ABLIM2: variants seen among roughly 807,000 people sequenced by gnomAD.
ABLIM2 encodes the protein actin binding LIM protein family member 2.
Under a neutral mutation model 97.7 loss-of-function variants are expected in ABLIM2, and 53 were observed. The observed-to-expected ratio is 0.54, with a 90% CI of 0.44 to 0.68. ABLIM2 has a LOEUF of 0.68. Ranked by LOEUF, ABLIM2 falls within the 30% of genes least tolerant of loss-of-function variation. The pLI, the probability that ABLIM2 is intolerant of heterozygous loss-of-function variation, is 0.00. For missense variants in ABLIM2, 835 were observed against 867.2 expected (o/e 0.96, Z 0.47); for synonymous variants, 361 against 345.8 (o/e 1.04, Z -0.49).
chr4:8,101,130 C>G (rs1394607659), intron 2 of ABLIM2, among the ~76,000 whole-genome samples: 1 of 152,228 alleles, frequency 6.6e-6, no homozygotes, highest in Non-Finnish European at 1.5e-5. Context: ...CAATTCACAT[C>G]AAAACACAAG....
rs1309885949 is a variant in ABLIM2 at position 8,082,195 on chromosome 4, C to T, written c.455-1393G>A. Among the ~76,000 whole-genome samples, 1 of 152,126 alleles carries T rather than the reference C, an allele frequency of 6.6e-6. No homozygotes were observed. Among genetic ancestry groups the T allele is most frequent in the Non-Finnish European group, 1.5e-5 (1 of 68,024 alleles). ...CAGACCAAGCAGGGACCCCTCGTGC[C>T]CAAGGAAACCTCTACCCAAGATGGA... On this transcript the variant is annotated intron_variant, in intron 4 of 20. Coordinates refer to ENST00000447017, the MANE Select transcript of ABLIM2 (RefSeq NM_001130083.2). The surrounding 1 kb of genome is among the most constrained non-coding windows in gnomAD (Gnocchi z 5.6).
chr4:8,027,747 T>C lies in ABLIM2; in HGVS notation c.1267+12A>G. Reference sequence around the variant, plus strand: ...CATGAGCACCCACAGCCCACATCACTGCGTGCCTTACCTCGGAAGTAGGGG... The same window carrying C: ...CATGAGCACCCACAGCCCACATCACCGCGTGCCTTACCTCGGAAGTAGGGG... On this transcript the variant is annotated intron_variant, in intron 12 of 20. Coordinates refer to ENST00000447017, the MANE Select transcript of ABLIM2 (RefSeq NM_001130083.2). 2.4e-5 allele frequency: 37 copies of C among 1,567,012 alleles called. No individual in the cohort carries two copies. Among genetic ancestry groups the C allele is most frequent in the Non-Finnish European group, 3.1e-5 (36 of 1,156,320 alleles).
At chr4:8,024,828 G>T (rs1325613712) in intron 12 of ABLIM2, among the ~76,000 whole-genome samples, 1 of 152,250 alleles carries the variant, frequency 6.6e-6, no homozygotes, top group Non-Finnish European at 1.5e-5. Context: ...TGTTCCCAAG[G>T]TTACGGACAG....
rs1312786962 is a variant in ABLIM2, at chr4:8,005,791, C to T, written c.1618+2268G>A. On this transcript the variant is annotated intron_variant, in intron 16 of 20. Coordinates refer to ENST00000447017, the MANE Select transcript of ABLIM2 (RefSeq NM_001130083.2). The surrounding 1 kb of genome is among the most constrained non-coding windows in gnomAD (Gnocchi z 4.9). ...TGCTCAGAGGAAGTGGATGTTAGCA[C>T]ACCAGGAGAAAGCGAAGGAAGGACA... Among the ~76,000 whole-genome samples, 1 of 152,248 alleles carries T rather than the reference C, an allele frequency of 6.6e-6. No individual in the cohort carries two copies. The highest frequency in any genetic ancestry group is 1.5e-5 in the Non-Finnish European group (1 of 68,052).
Position 8,080,799 on chromosome 4 carries a change from C to T in ABLIM2, c.458G>A (p.Cys153Tyr), listed in dbSNP as rs1819331375. ...CTTGATTTCTGTGCCGCAGCCCCCA[C>T]AACCTGGAAGAAAGAGAAGAGAACA... ...SAHLSQGLRS[C>Y]GGCGTEIKNG... The change falls in exon 5 of 21, where the codon TGT (cysteine) becomes TAT (tyrosine). Residue 153 changes from cysteine to tyrosine, a missense_variant. Cys to Tyr is a radical substitution (Grantham distance 194). Transcript: ENST00000447017. 1.2e-6 allele frequency: 2 copies of T among 1,606,978 alleles called. No homozygotes were observed. The highest frequency in any genetic ancestry group is 1.7e-6 in the Non-Finnish European group (2 of 1,175,734).
At chr4:8,104,274 C>T (rs373642020) in intron 2 of ABLIM2, among the ~76,000 whole-genome samples, 56 of 152,326 alleles carry the variant, frequency 3.7e-4, no homozygotes, top group African/African-American at 1.3e-3. Context: ...AATCCTTCCC[C>T]GCGTGTGCCG....
At position 8,113,220 on chromosome 4, in the gene ABLIM2, G is replaced by A. The variant is rs979644160; in HGVS notation, c.11-6583C>T. Among the ~76,000 whole-genome samples, 9 of 152,136 alleles carry A rather than the reference G, an allele frequency of 5.9e-5. No individual in the cohort carries two copies. Among genetic ancestry groups the A allele is most frequent in the East Asian group, 1.9e-4 (1 of 5,182 alleles). On this transcript the variant is annotated intron_variant, in intron 1 of 20. Transcript: ENST00000447017. The surrounding 1 kb of genome is among the most constrained non-coding windows in gnomAD (Gnocchi z 4.5). The stretch of plus-strand genomic sequence containing the variant: ...AGCCATCCTCCCACCTCAGCCTCCC[G>A]AGTAGCTGGGACCACAAGTGTGTGC...
chr4:8,045,102 A>C (rs1791438846), intron 9 of ABLIM2, 62 bp downstream of exon 9: 1 of 1,500,860 alleles, frequency 6.7e-7, no homozygotes, highest in Non-Finnish European at 9.3e-7. Context: ...AGCCACGGCC[A>C]CCGGGCCCCC....
intron 6 of ABLIM2, among the ~76,000 whole-genome samples, chr4:8,074,229 G>C (rs553555646): frequency 6.6e-6 from 1 of 152,080 alleles, no homozygotes; most frequent in Non-Finnish European, 1.5e-5. Context: ...TGAGGTGGAA[G>C]GATCACTTGA....
intron 2 of ABLIM2, among the ~76,000 whole-genome samples, chr4:8,101,943 C>T (rs1834855362): frequency 1.3e-5 from 2 of 152,146 alleles, no homozygotes; most frequent in Admixed American, 6.5e-5. Flanking sequence ...CAGAATGAGA[C>T]ACCTTCACAC....
At chr4:7,990,612 C>A (rs1168457431) in intron 17 of ABLIM2, among the ~76,000 whole-genome samples, 2 of 152,088 alleles carry the variant, frequency 1.3e-5, no homozygotes, top group Non-Finnish European at 2.9e-5. Flanking sequence ...CTTGAGGCCA[C>A]CCAGAACCCT....
At chr4:8,025,187 CA>C (rs1776524281) in intron 12 of ABLIM2, among the ~76,000 whole-genome samples, 1 of 152,216 alleles carries the variant, frequency 6.6e-6, no homozygotes, top group Non-Finnish European at 1.5e-5. Flanking sequence ...CTTGGCCTCC[CA>C]AAGTGCTGGG....
At chr4:8,099,777 G>A (rs1476318960) in intron 2 of ABLIM2, among the ~76,000 whole-genome samples, 4 of 152,086 alleles carry the variant, frequency 2.6e-5, no homozygotes, top group African/African-American at 7.2e-5. Flanking sequence ...CCTGGGAGGC[G>A]GAGCTTGCAG....
Position 8,124,592 on chromosome 4 carries a change from T to C in ABLIM2, c.11-17955A>G, listed in dbSNP as rs1170050579. The stretch of plus-strand genomic sequence containing the variant: ...GGTGTGGTGGGCGTCAGTGCCTCTT[T>C]CCTTTTGATGGCTGAGAAATATTCC... On this transcript the variant is annotated intron_variant, in intron 1 of 20. Transcript: ENST00000447017. The surrounding 1 kb of genome is among the most constrained non-coding windows in gnomAD (Gnocchi z 6.1). 2.6e-5 allele frequency among the ~76,000 whole-genome samples: 4 copies of C among 152,172 alleles called. No homozygotes were observed. Among genetic ancestry groups the C allele is most frequent in the African/African-American group, 9.6e-5 (4 of 41,452 alleles).
intron 12 of ABLIM2, chr4:8,020,700 C>A: frequency 4.0e-6 from 1 of 247,042 alleles, no homozygotes; most frequent in South Asian, 5.7e-5. Context: ...TATAAACATG[C>A]TGTTTTCCTT....
chr4:8,032,245 GT>G lies in ABLIM2; in HGVS notation c.1048-2470del, dbSNP rs1781438382. 6.6e-6 allele frequency among the ~76,000 whole-genome samples: 1 copy of G among 151,648 alleles called. No homozygotes were observed. Among genetic ancestry groups the G allele is most frequent in the Non-Finnish European group, 1.5e-5 (1 of 67,960 alleles). On this transcript the variant is annotated intron_variant, in intron 10 of 20. Transcript: ENST00000447017. This position sits in a 1 kb window ranked among gnomAD's most constrained non-coding sequence, Gnocchi z 4.3. ...GACCACTAACAGTAAAAGCTCTTTTGTAGAGAGACACGTCCAGTGTTTCTCC... is the reference window on the plus strand; with the variant it reads ...GACCACTAACAGTAAAAGCTCTTTTGAGAGAGACACGTCCAGTGTTTCTCC...
chr4:8,094,836 C>T (rs919847122), intron 3 of ABLIM2, among the ~76,000 whole-genome samples: 1 of 152,092 alleles, frequency 6.6e-6, no homozygotes, highest in Non-Finnish European at 1.5e-5. Flanking sequence ...CTGATTTTTA[C>T]TATTACTTTT....
intron 6 of ABLIM2, among the ~76,000 whole-genome samples, chr4:8,077,407 C>G (rs534621791): frequency 6.6e-4 from 100 of 152,310 alleles, no homozygotes; most frequent in Non-Finnish European, 1.2e-3. Context: ...TCAAGAGGCA[C>G]AGAAGAGAGC....
chr4:8,085,986 C>T lies in ABLIM2; in HGVS notation c.454+2183G>A, dbSNP rs150198605. Among the ~76,000 whole-genome samples the T allele has an allele frequency of 0.01, 1,574 of 152,286 alleles. 14 individuals carry two copies. Among genetic ancestry groups the T allele is most frequent in the South Asian group, 0.025 (119 of 4,828 alleles). On this transcript the variant is annotated intron_variant, in intron 4 of 20. Coordinates refer to ENST00000447017, the MANE Select transcript of ABLIM2 (RefSeq NM_001130083.2). The surrounding 1 kb of genome is among the most constrained non-coding windows in gnomAD (Gnocchi z 6.1). ...CACCCCTGCCAGGTACAGGGCACTC[C>T]TGCACCTGCAGAAGAGCTCCTCCAG... is the stretch of plus-strand genomic sequence containing the variant.
Sources: allele counts gnomAD v4.1 joint callset (sites outside exome capture counted in the v4.1 genomes callset), GRCh38; gene constraint gnomAD v4.1.1; non-coding constraint Gnocchi (gnomAD v3.1); transcripts MANE v1.5; gene names NCBI Gene and HGNC (gene_info 2026-07-23, HGNC 2026-07-21).